MIPOL1: variants seen among roughly 807,000 people sequenced by gnomAD.
The protein encoded by MIPOL1 is mirror-image polydactyly gene 1 protein.
A neutral mutation model predicts 60.9 loss-of-function variants in MIPOL1; 57 were observed. That is an observed-to-expected ratio of 0.94 (90% confidence interval 0.76 to 1.17). The LOEUF (loss-of-function observed/expected upper bound fraction) is 1.17, where lower values mean the gene tolerates loss of function less well. Ranked by LOEUF, MIPOL1 falls within the 50% of genes most tolerant of loss-of-function variation. MIPOL1 has a pLI of 0.00. For missense variants in MIPOL1, 551 were observed against 511.6 expected (o/e 1.08, Z -0.74); for synonymous variants, 179 against 168.8 (o/e 1.06, Z -0.47).
chr14:37,356,709 G>C (rs551397520), intron 9 of MIPOL1, among the ~76,000 whole-genome samples: 1,966 of 152,296 alleles, frequency 0.013, 20 homozygotes, highest in Non-Finnish European at 0.019. Context: ...ACTCGGAAAG[G>C]GAACTCCCTG....
rs565171461 is a variant in MIPOL1 at position 37,485,982 on chromosome 14, T to C, written c.1032-13926T>C. The stretch of plus-strand genomic sequence containing the variant: ...GGTTTTAGGTCTTATGTTTAAGTCT[T>C]TAATTCATCTTAAGTGAATTTTTGT... On this transcript the variant is annotated intron_variant, in intron 11 of 12. Coordinates refer to ENST00000684589, the MANE Select transcript of MIPOL1 (RefSeq NM_001388067.1). Among the ~76,000 whole-genome samples the C allele has an allele frequency of 5.9e-5, 9 of 152,358 alleles. No homozygotes were observed. In the South Asian group the frequency reaches 1.9e-3, roughly 32 times the overall value.
chr14:37,389,187 A>G (rs1315748635), intron 10 of MIPOL1, among the ~76,000 whole-genome samples: 1 of 152,116 alleles, frequency 6.6e-6, no homozygotes, highest in Non-Finnish European at 1.5e-5. Context: ...AAGAAATTGG[A>G]AATATTTTCC....
intron 6 of MIPOL1, chr14:37,278,230 T>C (rs996239536): frequency 3.3e-5 from 5 of 151,620 alleles, no homozygotes; most frequent in African/African-American, 1.2e-4. Flanking sequence ...AATTTTCTAC[T>C]GGTGTGGGGC....
intron 7 of MIPOL1, among the ~76,000 whole-genome samples, chr14:37,303,859 A>T (rs10144337): frequency 0.94 from 141,989 of 151,584 alleles, 66,957 homozygotes; most frequent in East Asian, 1. Flanking sequence ...GGTTCCTAGA[A>T]ACAGCTTACA....
intron 10 of MIPOL1, 122 bp downstream of exon 10, chr14:37,369,746 C>T (rs2092587647): frequency 1.7e-6 from 1 of 589,770 alleles, no homozygotes; most frequent in Non-Finnish European, 3.0e-6. Flanking sequence ...TTGCCAACAA[C>T]CCCTTCTTTA....
rs1023624996 is a variant in MIPOL1, at chr14:37,391,734, A to G, written c.936+22110A>G. Among the ~76,000 whole-genome samples, 6 of 152,100 alleles carry G rather than the reference A, an allele frequency of 3.9e-5. No individual in the cohort carries two copies. In the South Asian group the frequency reaches 6.2e-4, roughly 16 times the overall value. ...ATAATAATGTCTTATGCCATTTCAA[A>G]TCCATGTAGAAATTAAAGTCCATGA... On this transcript the variant is annotated intron_variant, in intron 10 of 12. Transcript: ENST00000684589.
At chr14:37,414,098 A>T (rs985376740) in intron 10 of MIPOL1, among the ~76,000 whole-genome samples, 5 of 152,132 alleles carry the variant, frequency 3.3e-5, no homozygotes, top group African/African-American at 9.7e-5. Flanking sequence ...TGAATAAAGG[A>T]TTATTAACCT....
chr14:37,477,051 C>T (rs1002997820), intron 11 of MIPOL1, among the ~76,000 whole-genome samples: 1 of 151,852 alleles, frequency 6.6e-6, no homozygotes, highest in Admixed American at 6.6e-5. Context: ...CAGGCGTGTA[C>T]CACACGTCCA....
chr14:37,425,442 T>G (rs1300164851), intron 11 of MIPOL1, among the ~76,000 whole-genome samples: 1 of 152,202 alleles, frequency 6.6e-6, no homozygotes, highest in Admixed American at 6.5e-5. Flanking sequence ...TTAGTAATTA[T>G]TGGTTGAAAG....
intron 10 of MIPOL1, among the ~76,000 whole-genome samples, chr14:37,415,462 A>G (rs1012628313): frequency 4.0e-5 from 6 of 151,582 alleles, no homozygotes; most frequent in African/African-American, 1.5e-4. Context: ...TCTCTACTAA[A>G]AAAAAAAATA....
chr14:37,475,980 T>C (rs2094767285), intron 11 of MIPOL1, among the ~76,000 whole-genome samples: 1 of 152,204 alleles, frequency 6.6e-6, no homozygotes, highest in Admixed American at 6.5e-5. Flanking sequence ...TTTATTGGGA[T>C]TGTGTTGCAT....
At chr14:37,331,606 T>A (rs2089696015) in intron 9 of MIPOL1, among the ~76,000 whole-genome samples, 1 of 152,198 alleles carries the variant, frequency 6.6e-6, no homozygotes, top group African/African-American at 2.4e-5. Context: ...ACTAATTGTT[T>A]ATGTTGATTT....
chr14:37,532,847 T>C (rs989201243), intron 12 of MIPOL1, among the ~76,000 whole-genome samples: 1 of 152,178 alleles, frequency 6.6e-6, no homozygotes, highest in Non-Finnish European at 1.5e-5. Context: ...TAGTAACATA[T>C]TAATATGTTT....
rs141567115 is a variant in MIPOL1, at chr14:37,412,217, C to T, written c.937-10638C>T. Among the ~76,000 whole-genome samples, 213 of 152,190 alleles carry T rather than the reference C, an allele frequency of 1.4e-3. 1 individual carries two copies. The highest frequency in any genetic ancestry group is 1.7e-3 in the Admixed American group (26 of 15,264). ...AAATACTAATCTGTTTTAATTGTGA[C>T]ATAATATGTAATACTATACTTCAAC... On this transcript the variant is annotated intron_variant, in intron 10 of 12. Coordinates refer to ENST00000684589, the MANE Select transcript of MIPOL1 (RefSeq NM_001388067.1).
chr14:37,350,506 G>T (rs2091277926), intron 9 of MIPOL1, among the ~76,000 whole-genome samples: 1 of 151,478 alleles, frequency 6.6e-6, no homozygotes, highest in Non-Finnish European at 1.5e-5. Flanking sequence ...TAAGGTACAT[G>T]AAGTGTTTTG....
chr14:37,324,210 A>C (rs937863510), intron 9 of MIPOL1, among the ~76,000 whole-genome samples: 8 of 152,046 alleles, frequency 5.3e-5, no homozygotes, highest in African/African-American at 1.9e-4. Flanking sequence ...GTTGTTCTGC[A>C]TACTAATCAA....
At position 37,469,752 on chromosome 14, in the gene MIPOL1, T is replaced by C. The variant is rs562325150; in HGVS notation, c.1032-30156T>C. ...TTATCATAGAAGAAGGTTAATTATC[T>C]TAGCAGTGCACTCCTAAAAAAAAGG... On this transcript the variant is annotated intron_variant, in intron 11 of 12. Transcript: ENST00000684589. Among the ~76,000 whole-genome samples the C allele has an allele frequency of 3.3e-5, 5 of 152,252 alleles. No homozygotes were observed. The East Asian group carries it at 9.7e-4, about 29-fold the overall frequency.
intron 1 of MIPOL1, among the ~76,000 whole-genome samples, chr14:37,222,640 C>T (rs1234831179): frequency 6.6e-6 from 1 of 152,154 alleles, no homozygotes; most frequent in Non-Finnish European, 1.5e-5. Context: ...TCATTTCTAT[C>T]TGAGACCTCA....
intron 7 of MIPOL1, among the ~76,000 whole-genome samples, chr14:37,302,289 T>G (rs2086359156): frequency 6.7e-6 from 1 of 149,686 alleles, no homozygotes; most frequent in African/African-American, 2.5e-5. Context: ...TTTTCTTGTT[T>G]TGGATGTTAG....
Sources: allele counts gnomAD v4.1 joint callset (sites outside exome capture counted in the v4.1 genomes callset), GRCh38; gene constraint gnomAD v4.1.1; transcripts MANE v1.5; gene names NCBI Gene and HGNC (gene_info 2026-07-23, HGNC 2026-07-21).